PLEKHG3: variants seen among roughly 807,000 people sequenced by gnomAD.
PLEKHG3 encodes pleckstrin homology and RhoGEF domain containing G3.
In PLEKHG3, 62 loss-of-function variants were observed where a neutral mutation model predicts 94.9. The observed-to-expected ratio is 0.65, with a 90% confidence interval of 0.53 to 0.81. The LOEUF (loss-of-function observed/expected upper bound fraction) is 0.81, where lower values mean the gene tolerates loss of function less well. PLEKHG3 is among the 30% of genes least tolerant of loss of function. The probability of loss-of-function intolerance (pLI) is 0.00; values close to 1 mark genes in which losing one functional copy is unlikely to be tolerated. For missense variants in PLEKHG3, 1,461 were observed against 1,619.3 expected (o/e 0.90, Z 1.68); for synonymous variants, 614 against 654.0 (o/e 0.94, Z 0.93).
At chr14:64,707,475 G>A (rs541311744) in intron 1 of PLEKHG3, among the ~76,000 whole-genome samples, 27 of 152,350 alleles carry the variant, frequency 1.8e-4, no homozygotes, top group Non-Finnish European at 1.0e-4. Context: ...AGACACAGCA[G>A]TGAAGAAAAT....
intron 1 of PLEKHG3, among the ~76,000 whole-genome samples, chr14:64,708,891 G>A (rs2081019571): frequency 6.6e-6 from 1 of 150,436 alleles, no homozygotes; most frequent in Non-Finnish European, 1.5e-5. Flanking sequence ...TCCTGGGACT[G>A]CCAGTTGGTG....
chr14:64,749,547 G>T lies in PLEKHG3; in HGVS notation c.*5844G>T. Reference sequence around the variant, plus strand: ...CCTCCCGGGCCAGGCAACAATGGTGGGGGCTCTTGGGACTGCCCCTTCTGA... The same window carrying T: ...CCTCCCGGGCCAGGCAACAATGGTGTGGGCTCTTGGGACTGCCCCTTCTGA... On this transcript the variant is annotated 3_prime_UTR_variant, in exon 17 of 17. Transcript: ENST00000247226. The surrounding 1 kb of genome is among the most constrained non-coding windows in gnomAD (Gnocchi z 4.7). 1 of 1,601,760 alleles carries T rather than the reference G, an allele frequency of 6.2e-7. No homozygotes were observed. Among genetic ancestry groups the T allele is most frequent in the Admixed American group, 1.7e-5 (1 of 59,668 alleles).
Position 64,732,276 on chromosome 14 carries a change from G to T in PLEKHG3, c.1212+95G>T. On this transcript the variant is annotated intron_variant, in intron 10 of 16. Coordinates refer to ENST00000247226, the MANE Select transcript of PLEKHG3 (RefSeq NM_001308147.2). This position sits in a 1 kb window ranked among gnomAD's most constrained non-coding sequence, Gnocchi z 4.9. ...TTGGGGGCTCACCTTCTGGATTTGG[G>T]CTCCAGTGGACAGTGAGTGTCAGTA... is the stretch of plus-strand genomic sequence containing the variant. 1 of 1,300,566 alleles carries T rather than the reference G, an allele frequency of 7.7e-7. No individual in the cohort carries two copies. Among genetic ancestry groups the T allele is most frequent in the Non-Finnish European group, 1.1e-6 (1 of 896,316 alleles). 80.6% of individuals were successfully genotyped at this position (1,300,566 alleles called of 1,614,324 possible).
chr14:64,732,960 G>A lies in PLEKHG3; in HGVS notation c.1345+59G>A. 9.2e-7 allele frequency: 1 copy of A among 1,086,266 alleles called. No homozygotes were observed. Among genetic ancestry groups the A allele is most frequent in the Non-Finnish European group, 1.4e-6 (1 of 722,138 alleles). The allele number at this position is 1,086,266 out of a possible 1,614,324, so 67.3% of individuals were successfully genotyped here. On this transcript the variant is annotated intron_variant, in intron 12 of 16. Transcript: ENST00000247226. The surrounding 1 kb of genome is among the most constrained non-coding windows in gnomAD (Gnocchi z 4.9). The stretch of plus-strand genomic sequence containing the variant: ...CCCTCACACCCTTGCCCAGACTGGG[G>A]ACCGTCTGCGGCAGTGTCCAGGGCT...
Position 64,730,329 on chromosome 14 carries a change from C to T in PLEKHG3, c.519+17C>T. On this transcript the variant is annotated intron_variant, in intron 4 of 16. Coordinates refer to ENST00000247226, the MANE Select transcript of PLEKHG3 (RefSeq NM_001308147.2). This position sits in a 1 kb window ranked among gnomAD's most constrained non-coding sequence, Gnocchi z 5.4. ...GTGGAAAGGGTAAGAAGGGCTGGGT[C>T]CTTGCCTCTGTCCTACCTTGCTGAG... The T allele has an allele frequency of 6.7e-7, 1 of 1,500,404 alleles. No individual in the cohort carries two copies. The highest frequency in any genetic ancestry group is 9.0e-7 in the Non-Finnish European group (1 of 1,114,348). The allele number at this position is 1,500,404 out of a possible 1,614,324, so 92.9% of individuals were successfully genotyped here. A position where few individuals can be genotyped will look rare whatever the true frequency, so the allele number is the denominator to read the frequency against.
In PLEKHG3 at chr14:64,743,387, C is replaced by T. The variant is rs1255974996; in HGVS notation, c.3344C>T (p.Ser1115Phe). 2.5e-6 allele frequency: 4 copies of T among 1,608,810 alleles called. No homozygotes were observed. Among genetic ancestry groups the T allele is most frequent in the Non-Finnish European group, 3.4e-6 (4 of 1,177,258 alleles). The change falls in exon 17 of 17, where the codon TCC becomes TTC. Residue 1115 changes from serine to phenylalanine, a missense_variant. Ser to Phe is a radical substitution (Grantham distance 155). Coordinates refer to ENST00000247226, the MANE Select transcript of PLEKHG3 (RefSeq NM_001308147.2). This position sits in a 1 kb window ranked among gnomAD's most constrained non-coding sequence, Gnocchi z 7.2. ...CGGGGAGGCGGAGAGGCTGCCCAAT[C>T]CCCTGGGCCTCTGCCCCAGAGCAAG... Reference protein sequence around the residue: ...RGRGGGEAAQSPGPLPQSKPD... With the variant: ...RGRGGGEAAQFPGPLPQSKPD...
rs2081485564 is a variant in PLEKHG3, at chr14:64,732,408, G to A, written c.1213-19G>A. The A allele has an allele frequency of 4.3e-6, 7 of 1,609,882 alleles. No homozygotes were observed. The highest frequency in any genetic ancestry group is 1.7e-5 in the Admixed American group (1 of 60,004). ...GCACATGGTAAGGTAATAACCAGGT[G>A]TGTTTCCTTCCCCTTCAGGCCAAGG... On this transcript the variant is annotated intron_variant, in intron 10 of 16. Transcript: ENST00000247226. This position sits in a 1 kb window ranked among gnomAD's most constrained non-coding sequence, Gnocchi z 4.9.
In PLEKHG3 at chr14:64,748,869, TGACCCGAAGCAA is replaced by T. The variant is rs1448379702; in HGVS notation, c.*5170_*5181del. The T allele has an allele frequency of 6.0e-6, 1 of 167,174 alleles. No homozygotes were observed. The highest frequency in any genetic ancestry group is 1.8e-4 in the East Asian group (1 of 5,462). 10.4% of individuals were successfully genotyped at this position (167,174 alleles called of 1,614,324 possible). Reference sequence around the variant, plus strand: ...TCCCTGGCTGCCACCAGGTGGGAGGTGACCCGAAGCAAGACTTGCTTTAGGAACGGGCAGCGT... The same window carrying T: ...TCCCTGGCTGCCACCAGGTGGGAGGTGACTTGCTTTAGGAACGGGCAGCGT... On this transcript the variant is annotated 3_prime_UTR_variant, in exon 17 of 17. Coordinates refer to ENST00000247226, the MANE Select transcript of PLEKHG3 (RefSeq NM_001308147.2).
At position 64,730,425 on chromosome 14, in the gene PLEKHG3, C is replaced by T. The variant is rs229625; in HGVS notation, c.519+113C>T. On this transcript the variant is annotated intron_variant, in intron 4 of 16. Transcript: ENST00000247226. The surrounding 1 kb of genome is among the most constrained non-coding windows in gnomAD (Gnocchi z 5.4). ...CTGGGGATTCCTTTCCAGGGAAAGT[C>T]CTGGGTGCTCTATCTTGAATGAGAA... The T allele has an allele frequency of 2.5e-6, 2 of 802,470 alleles. No homozygotes were observed. Among genetic ancestry groups the T allele is most frequent in the East Asian group, 2.7e-5 (1 of 37,526 alleles). 49.7% of individuals were successfully genotyped at this position (802,470 alleles called of 1,614,324 possible). A position where few individuals can be genotyped will look rare whatever the true frequency, so the allele number is the denominator to read the frequency against.
Position 64,738,897 on chromosome 14 carries a change from T to TG in PLEKHG3, c.1518+44dup, listed in dbSNP as rs1194866842. On this transcript the variant is annotated intron_variant, in intron 15 of 16. Transcript: ENST00000247226. This position sits in a 1 kb window ranked among gnomAD's most constrained non-coding sequence, Gnocchi z 4.8. ...TGGGATGGGGATAGTAGGAAGAACT[T>TG]GGAGTCCAGATTTTCAAGTCTGCAA... The TG allele has an allele frequency of 3.1e-6, 4 of 1,292,296 alleles. No individual in the cohort carries two copies. The highest frequency in any genetic ancestry group is 4.4e-6 in the Non-Finnish European group (4 of 909,962). The allele number at this position is 1,292,296 out of a possible 1,614,324, so 80.1% of individuals were successfully genotyped here.
At chr14:64,724,720 A>G (rs893954369) in intron 1 of PLEKHG3, among the ~76,000 whole-genome samples, 2 of 152,192 alleles carry the variant, frequency 1.3e-5, no homozygotes, top group African/African-American at 4.8e-5. Context: ...AAGCAAAGCC[A>G]TGGCAGCCAG....
chr14:64,732,693 T>C lies in PLEKHG3; in HGVS notation c.1247-110T>C. The C allele has an allele frequency of 1.2e-6, 1 of 843,506 alleles. No individual in the cohort carries two copies. Among genetic ancestry groups the C allele is most frequent in the Admixed American group, 2.4e-5 (1 of 41,978 alleles). 52.3% of individuals were successfully genotyped at this position (843,506 alleles called of 1,614,324 possible). ...AGATGGAGGGAGCTCTGGAGGCTCC[T>C]GGCCCTGGAGCTGGGTGGGTATAGA... On this transcript the variant is annotated intron_variant, in intron 11 of 16. Transcript: ENST00000247226. The surrounding 1 kb of genome is among the most constrained non-coding windows in gnomAD (Gnocchi z 4.9).
rs913959082 is a variant in PLEKHG3 at position 64,731,137 on chromosome 14, A to G, written c.817A>G (p.Lys273Glu). The change falls in exon 7 of 17, where the codon AAG becomes GAG. Residue 273 changes from lysine to glutamate, a missense_variant. Coordinates refer to ENST00000247226, the MANE Select transcript of PLEKHG3 (RefSeq NM_001308147.2). The surrounding 1 kb of genome is among the most constrained non-coding windows in gnomAD (Gnocchi z 6.1). Reference protein sequence around the residue: ...TCVAWYINDMKRRHEHAVRLQ... With the variant: ...TCVAWYINDMERRHEHAVRLQ... Reference sequence around the variant, plus strand: ...TGTGGCCTGGTACATCAACGACATGAAGAGGAGGCATGAGCACGCGGTCCG... The same window carrying G: ...TGTGGCCTGGTACATCAACGACATGGAGAGGAGGCATGAGCACGCGGTCCG... The G allele has an allele frequency of 1.2e-6, 2 of 1,613,326 alleles. No individual in the cohort carries two copies. Among genetic ancestry groups the G allele is most frequent in the Non-Finnish European group, 1.7e-6 (2 of 1,179,504 alleles).
chr14:64,737,170 C>A (rs767733110), intron 13 of PLEKHG3, 186 bp from the exon 14 acceptor site: 2 of 650,732 alleles, frequency 3.1e-6, no homozygotes, highest in Non-Finnish European at 5.6e-6. Context: ...GGCCCCTGGG[C>A]CCCTGCTCTG....
chr14:64,714,400 C>T (rs74056391), intron 1 of PLEKHG3, among the ~76,000 whole-genome samples: 2,828 of 152,316 alleles, frequency 0.019, 95 homozygotes, highest in African/African-American at 0.064. Flanking sequence ...TAATGCCTTC[C>T]CAGGCCTCCT....
rs753791721 is a variant in PLEKHG3, at chr14:64,742,201, C to G, written c.2684C>G (p.Thr895Ser). ...KELVKELSSS[T>S]QGELVAPLHP... Reference sequence around the variant, plus strand: ...CTGGTGAAGGAGCTGAGCAGCAGTACCCAGGGGGAGCTGGTGGCCCCACTG... The same window carrying G: ...CTGGTGAAGGAGCTGAGCAGCAGTAGCCAGGGGGAGCTGGTGGCCCCACTG... Residue 895 changes from threonine (T) to serine (S), a missense_variant, in exon 16 of 17, where the codon ACC becomes AGC. Transcript: ENST00000247226. 6.2e-7 allele frequency: 1 copy of G among 1,613,002 alleles called. No individual in the cohort carries two copies. The highest frequency in any genetic ancestry group is 2.2e-5 in the East Asian group (1 of 44,886).
rs185598358 is a variant in PLEKHG3 at position 64,748,738 on chromosome 14, A to C, written c.*5035A>C. On this transcript the variant is annotated 3_prime_UTR_variant, in exon 17 of 17. Transcript: ENST00000247226. ...CCCAGTCTGGTCCCCTCAGCCCCCC[A>C]GAGCCCCTGGCCCAGAGCTAGGGCT... is the stretch of plus-strand genomic sequence containing the variant. The C allele has an allele frequency of 1.3e-5, 2 of 154,658 alleles. No individual in the cohort carries two copies. The highest frequency in any genetic ancestry group is 4.8e-5 in the African/African-American group (2 of 41,592). The allele number at this position is 154,658 out of a possible 1,614,324, so 9.6% of individuals were successfully genotyped here.
Position 64,723,794 on chromosome 14 carries a change from C to G in PLEKHG3, c.-39-3799C>G, listed in dbSNP as rs1404827769. 1 of 152,278 alleles carries G rather than the reference C, an allele frequency of 6.6e-6. No individual in the cohort carries two copies. Among genetic ancestry groups the G allele is most frequent in the Non-Finnish European group, 1.5e-5 (1 of 68,108 alleles). 9.4% of individuals were successfully genotyped at this position (152,278 alleles called of 1,614,324 possible). On this transcript the variant is annotated intron_variant, in intron 1 of 16. Coordinates refer to ENST00000247226, the MANE Select transcript of PLEKHG3 (RefSeq NM_001308147.2). The surrounding 1 kb of genome is among the most constrained non-coding windows in gnomAD (Gnocchi z 4.5). ...GGGATTACAGGCGTGAGCCATCATG[C>G]CTGGCCGAGAAAGCGAGTTTTCTAG...
intron 1 of PLEKHG3, among the ~76,000 whole-genome samples, chr14:64,708,848 C>T (rs905993987): frequency 6.8e-5 from 10 of 147,008 alleles, no homozygotes; most frequent in Non-Finnish European, 1.5e-4. Flanking sequence ...GCTGCACACT[C>T]GGCAGCCAGG....
Sources: gnomAD v4.1 joint callset for allele counts (sites outside exome capture counted in the v4.1 genomes callset) on GRCh38, gnomAD v4.1.1 for gene constraint, Gnocchi (gnomAD v3.1) non-coding constraint, MANE v1.5 for transcripts, NCBI Gene and HGNC (gene_info 2026-07-23, HGNC 2026-07-21) for gene names.